The following DIPK1A variants were observed in gnomAD, a reference collection of about 807,000 sequenced individuals.
DIPK1A encodes divergent protein kinase domain 1A.
A neutral mutation model predicts 40.8 loss-of-function variants in DIPK1A; 27 were observed. That is an observed-to-expected ratio of 0.66 (90% CI 0.49 to 0.91). The LOEUF (loss-of-function observed/expected upper bound fraction) is 0.91. DIPK1A is among the 40% of genes least tolerant of loss of function. DIPK1A has a pLI of 0.00. For synonymous variants in DIPK1A, 166 were observed against 171.3 expected, an observed-to-expected ratio of 0.97 and a Z score of 0.24; for missense variants, 412 against 505.7, an observed-to-expected ratio of 0.81 and a Z score of 1.78.
chr1:92,858,223 ACT>A (rs967514431), intron 2 of DIPK1A, among the ~76,000 whole-genome samples: 15 of 151,912 alleles, frequency 9.9e-5, no homozygotes, highest in African/African-American at 3.1e-4. Flanking sequence ...CTTCATCTTA[ACT>A]CTGTTCAATG....
intron 4 of DIPK1A, among the ~76,000 whole-genome samples, chr1:92,846,863 G>GTA (rs796888125): frequency 1.2e-3 from 2 of 1,610 alleles, no homozygotes; most frequent in Non-Finnish European, 1.6e-3. Context: ...ATATATGTGT[G>GTA]TATATATATA....
intron 2 of DIPK1A, among the ~76,000 whole-genome samples, chr1:92,870,602 C>A (rs1647796836): frequency 1.3e-5 from 2 of 152,212 alleles, no homozygotes; most frequent in South Asian, 4.1e-4. Flanking sequence ...TAACATACTG[C>A]AATTACCATC....
intron 1 of DIPK1A, among the ~76,000 whole-genome samples, chr1:92,926,491 T>G (rs1297736088): frequency 6.6e-6 from 1 of 152,192 alleles, no homozygotes; most frequent in Non-Finnish European, 1.5e-5. Flanking sequence ...CTGTATTTTT[T>G]GGGTATTGGG....
At chr1:92,871,535 G>GT (rs1388451067) in intron 2 of DIPK1A, among the ~76,000 whole-genome samples, 4 of 152,046 alleles carry the variant, frequency 2.6e-5, no homozygotes, top group Admixed American at 2.6e-4. Flanking sequence ...TATTGTATAG[G>GT]TTATCCTAGA....
rs1044893850 is a variant in DIPK1A at position 92,842,266 on chromosome 1, G to A, written c.*1117C>T. The A allele has an allele frequency of 3.6e-5, 36 of 989,428 alleles. No homozygotes were observed. Among genetic ancestry groups the A allele is most frequent in the Non-Finnish European group, 3.4e-5 (28 of 832,706 alleles). The allele number at this position is 989,428 out of a possible 1,614,324, so 61.3% of individuals were successfully genotyped here. A position where few individuals can be genotyped will look rare whatever the true frequency, so the allele number is the denominator to read the frequency against. On this transcript the variant is annotated 3_prime_UTR_variant, in exon 5 of 5. Transcript: ENST00000370310. ...ATCCATGGCGTTGAAGGAAAGTTTT[G>A]AGAGAAAGCTGTCCAGTGATGGTCA...
intron 1 of DIPK1A, among the ~76,000 whole-genome samples, chr1:92,878,121 T>A (rs749666888): frequency 1.3e-5 from 2 of 152,146 alleles, no homozygotes; most frequent in Non-Finnish European, 2.9e-5. Context: ...AAGTGACACT[T>A]AAGTAAGTGA....
chr1:92,853,077 T>C (rs1278408812), intron 2 of DIPK1A, among the ~76,000 whole-genome samples: 1 of 151,664 alleles, frequency 6.6e-6, no homozygotes, highest in Non-Finnish European at 1.5e-5. Flanking sequence ...CAAAAAACTT[T>C]GGAGGACAAG....
intron 2 of DIPK1A, among the ~76,000 whole-genome samples, chr1:92,858,253 C>A (rs977951535): frequency 6.6e-6 from 1 of 152,200 alleles, no homozygotes; most frequent in African/African-American, 2.4e-5. Context: ...TTAAACATGA[C>A]TCTTTCCACA....
At chr1:92,893,526 C>T (rs1296564686) in intron 1 of DIPK1A, among the ~76,000 whole-genome samples, 10 of 149,894 alleles carry the variant, frequency 6.7e-5, no homozygotes, top group South Asian at 2.1e-4. Flanking sequence ...AAGGAACAAC[C>T]GGTACCAGCC....
chr1:92,888,185 C>T (rs1163388966), intron 1 of DIPK1A, among the ~76,000 whole-genome samples: 1 of 151,924 alleles, frequency 6.6e-6, no homozygotes, highest in African/African-American at 2.4e-5. Context: ...GGTTATTGCC[C>T]TCCTCCCCTT....
At chr1:92,844,582 G>C (rs1469429723) in intron 4 of DIPK1A, among the ~76,000 whole-genome samples, 1 of 152,048 alleles carries the variant, frequency 6.6e-6, no homozygotes, top group Non-Finnish European at 1.5e-5. Context: ...TTACAATAAG[G>C]GTCAACTAAA....
intron 1 of DIPK1A, among the ~76,000 whole-genome samples, chr1:92,910,253 T>C (rs1366418294): frequency 6.6e-6 from 1 of 152,218 alleles, no homozygotes; most frequent in Non-Finnish European, 1.5e-5. Context: ...TATGATTTAT[T>C]GTTCATAATT....
intron 1 of DIPK1A, among the ~76,000 whole-genome samples, chr1:92,881,390 T>C (rs1229175167): frequency 1.3e-5 from 2 of 151,650 alleles, no homozygotes; most frequent in African/African-American, 4.8e-5. Flanking sequence ...ATTCTTAATC[T>C]TTTTAAGAGG....
chr1:92,832,934 A>AGTGG (rs1374279575), exon 5 of DIPK1A: 5 of 689,694 alleles, frequency 7.2e-6, no homozygotes, highest in Non-Finnish European at 1.3e-5. Context: ...AGGTTTTCGA[A>AGTGG]GTGGGACATA....
chr1:92,858,804 C>T (rs1249890981), intron 2 of DIPK1A, among the ~76,000 whole-genome samples: 1 of 152,168 alleles, frequency 6.6e-6, no homozygotes, highest in Non-Finnish European at 1.5e-5. Context: ...TGGTTGGCCA[C>T]GTACTGTTTT....
chr1:92,891,206 C>A (rs1648854375), intron 1 of DIPK1A, among the ~76,000 whole-genome samples: 1 of 151,764 alleles, frequency 6.6e-6, no homozygotes, highest in Non-Finnish European at 1.5e-5. Context: ...TAGGTATTTT[C>A]TCTTTTTTCT....
rs372221158 is a variant in DIPK1A at position 92,871,322 on chromosome 1, C to T, written c.189+4974G>A. Among the ~76,000 whole-genome samples the T allele has an allele frequency of 3.9e-4, 60 of 152,140 alleles. 1 individual carries two copies. In the South Asian group the frequency reaches 0.011, roughly 28 times the overall value. ...CTGGGATTACAGGCATGCACCACCA[C>T]GCACGGCTAATTTTGTATTTTTAGT... is the stretch of plus-strand genomic sequence containing the variant. On this transcript the variant is annotated intron_variant, in intron 2 of 4. Transcript: ENST00000370310.
At chr1:92,887,430 A>G (rs1648661761) in intron 1 of DIPK1A, among the ~76,000 whole-genome samples, 1 of 152,102 alleles carries the variant, frequency 6.6e-6, no homozygotes, top group African/African-American at 2.4e-5. Context: ...TGTCTCAAAA[A>G]CAAAAGCAAA....
At chr1:92,948,730 A>AATATATATGTATATATAC (rs924967403) in intron 1 of DIPK1A, among the ~76,000 whole-genome samples, 8 of 114,784 alleles carry the variant, frequency 7.0e-5, no homozygotes, top group Non-Finnish European at 1.1e-4. Context: ...TTTTATATTT[A>AATATATATGTATATATAC]ATATATATGT....
Sources: gnomAD v4.1 joint callset for allele counts (sites outside exome capture counted in the v4.1 genomes callset) on GRCh38, gnomAD v4.1.1 for gene constraint, MANE v1.5 for transcripts, NCBI Gene and HGNC (gene_info 2026-07-23, HGNC 2026-07-21) for gene names.